NTN1: variants seen among roughly 807,000 people sequenced by gnomAD.
NTN1 encodes the protein netrin 1.
Under a neutral mutation model 54.2 loss-of-function variants are expected in NTN1, and 11 were observed. The ratio of observed to expected loss-of-function variants is 0.20; its 90% CI spans 0.13 to 0.34. NTN1 has a LOEUF of 0.34. Ranked by LOEUF, NTN1 falls within the 10% of genes least tolerant of loss-of-function variation. The probability of loss-of-function intolerance (pLI) is 1.00; values close to 1 mark genes in which losing one functional copy is unlikely to be tolerated. For missense variants in NTN1, 740 were observed against 893.1 expected, an observed-to-expected ratio of 0.83 and a Z score of 2.18; for synonymous variants, 371 against 382.0, an observed-to-expected ratio of 0.97 and a Z score of 0.33.
intron 5 of NTN1, among the ~76,000 whole-genome samples, chr17:9,204,625 G>A (rs1407439303): frequency 2.0e-5 from 3 of 152,148 alleles, no homozygotes; most frequent in Admixed American, 6.5e-5. Flanking sequence ...TGTGGCCTGC[G>A]TCCAGTCTAT....
intron 5 of NTN1, among the ~76,000 whole-genome samples, chr17:9,205,799 T>C (rs1008053407): frequency 1.9e-4 from 29 of 152,260 alleles, no homozygotes; most frequent in African/African-American, 7.0e-4. Flanking sequence ...TGACTTTGGA[T>C]GCTGAACACT....
intron 5 of NTN1, among the ~76,000 whole-genome samples, chr17:9,183,845 G>A (rs918913263): frequency 1.3e-5 from 2 of 152,136 alleles, no homozygotes; most frequent in Non-Finnish European, 2.9e-5. Flanking sequence ...TCTGGCTGTC[G>A]GCACTCAGAG....
intron 2 of NTN1, among the ~76,000 whole-genome samples, chr17:9,056,312 C>T (rs1157519316): frequency 6.6e-6 from 1 of 152,206 alleles, no homozygotes; most frequent in Non-Finnish European, 1.5e-5. Flanking sequence ...CTGCCTTGGC[C>T]TCCCAAAGTG....
At chr17:9,023,431 C>T (rs975497742) in intron 2 of NTN1, 40 bp downstream of exon 2, 53 of 1,342,948 alleles carry the variant, frequency 3.9e-5, no homozygotes, top group Non-Finnish European at 4.6e-5. Flanking sequence ...GCGGGTGGGG[C>T]CGCGGGCGGG....
At chr17:9,031,039 T>A (rs1401016395) in intron 2 of NTN1, among the ~76,000 whole-genome samples, 1 of 152,130 alleles carries the variant, frequency 6.6e-6, no homozygotes, top group Admixed American at 6.6e-5. Context: ...ATTGCTAGAT[T>A]TTCTAGATTT....
intron 2 of NTN1, among the ~76,000 whole-genome samples, chr17:9,124,661 C>T (rs1381955307): frequency 6.6e-6 from 1 of 152,206 alleles, no homozygotes. Context: ...CGAGCACCTA[C>T]CTACCTCATG....
At chr17:9,089,119 T>C (rs1291382019) in intron 2 of NTN1, among the ~76,000 whole-genome samples, 1 of 152,040 alleles carries the variant, frequency 6.6e-6, no homozygotes, top group African/African-American at 2.4e-5. Context: ...AGCTTTATTA[T>C]TAAGTTAAGG....
chr17:9,033,894 G>A (rs565165546), intron 2 of NTN1, among the ~76,000 whole-genome samples: 1 of 131,510 alleles, frequency 7.6e-6, no homozygotes, highest in East Asian at 2.1e-4. Context: ...TCCAGCCTGG[G>A]CAACAAGAGC....
At position 9,239,524 on chromosome 17, in the gene NTN1, A is replaced by G; in HGVS notation, c.1487-116A>G. ...CCACCCACGCGCTCCTGTATGGGCC[A>G]CTCTGTGCAGTCACTTCCTGGGGCT... is the stretch of plus-strand genomic sequence containing the variant. On this transcript the variant is annotated intron_variant, in intron 6 of 6. Transcript: ENST00000173229. The surrounding 1 kb of genome is among the most constrained non-coding windows in gnomAD (Gnocchi z 5.2). The G allele has an allele frequency of 2.0e-6, 2 of 1,006,858 alleles. No individual in the cohort carries two copies. Among genetic ancestry groups the G allele is most frequent in the Non-Finnish European group, 2.9e-6 (2 of 680,412 alleles). The allele number at this position is 1,006,858 out of a possible 1,614,324, so 62.4% of individuals were successfully genotyped here.
chr17:9,133,906 T>C (rs929634825), intron 2 of NTN1, among the ~76,000 whole-genome samples: 25 of 123,554 alleles, frequency 2.0e-4, no homozygotes, highest in Admixed American at 3.2e-4. Context: ...AGCCTTTTTT[T>C]TTTTTTTTTT....
intron 6 of NTN1, among the ~76,000 whole-genome samples, chr17:9,226,868 C>T (rs1905581810): frequency 6.6e-6 from 1 of 152,002 alleles, no homozygotes; most frequent in African/African-American, 2.4e-5. Flanking sequence ...CTGCTGGAGG[C>T]ACCTGCCCTG....
intron 2 of NTN1, among the ~76,000 whole-genome samples, chr17:9,074,775 G>T (rs1372469323): frequency 6.6e-6 from 1 of 152,226 alleles, no homozygotes; most frequent in Non-Finnish European, 1.5e-5. Flanking sequence ...GTTGAGGCTG[G>T]ATGCAAAAGT....
intron 6 of NTN1, among the ~76,000 whole-genome samples, chr17:9,237,791 CCT>C (rs986623831): frequency 1.3e-5 from 2 of 152,192 alleles, no homozygotes; most frequent in Non-Finnish European, 2.9e-5. Flanking sequence ...GCCACGGTGA[CCT>C]CTGTCTGCAC....
chr17:9,149,254 C>T (rs951501260), intron 2 of NTN1, among the ~76,000 whole-genome samples: 1 of 150,746 alleles, frequency 6.6e-6, no homozygotes, highest in Non-Finnish European at 1.5e-5. Context: ...TGGAAGGAAC[C>T]CCCCCCACAC....
intron 6 of NTN1, among the ~76,000 whole-genome samples, chr17:9,225,561 G>A (rs1459092611): frequency 2.0e-5 from 3 of 152,218 alleles, no homozygotes; most frequent in Non-Finnish European, 4.4e-5. Flanking sequence ...TCTCCCATGT[G>A]TCCTGTGTTG....
At chr17:9,076,998 T>G (rs2092052471) in intron 2 of NTN1, among the ~76,000 whole-genome samples, 1 of 152,056 alleles carries the variant, frequency 6.6e-6, no homozygotes, top group Non-Finnish European at 1.5e-5. Flanking sequence ...GCCCTCTCCT[T>G]CCTGGAAATG....
At chr17:9,091,888 C>T (rs1161024894) in intron 2 of NTN1, among the ~76,000 whole-genome samples, 1 of 152,298 alleles carries the variant, frequency 6.6e-6, no homozygotes, top group South Asian at 2.1e-4. Flanking sequence ...GCCCCAGACT[C>T]TGGAAACCTC....
chr17:9,046,120 G>T (rs560265086), intron 2 of NTN1, among the ~76,000 whole-genome samples: 3 of 152,188 alleles, frequency 2.0e-5, no homozygotes, highest in Non-Finnish European at 4.4e-5. Flanking sequence ...CCCATGGGAT[G>T]GGGGAAAATA....
At chr17:9,125,150 C>T (rs945928171) in intron 2 of NTN1, among the ~76,000 whole-genome samples, 2 of 152,038 alleles carry the variant, frequency 1.3e-5, no homozygotes, top group African/African-American at 4.8e-5. Context: ...CAGCCTCAAC[C>T]AGGTGGGCTC....
Sources: allele counts gnomAD v4.1 joint callset (sites outside exome capture counted in the v4.1 genomes callset), GRCh38; gene constraint gnomAD v4.1.1; non-coding constraint Gnocchi (gnomAD v3.1); transcripts MANE v1.5; gene names NCBI Gene and HGNC (gene_info 2026-07-23, HGNC 2026-07-21).